The following DCAF6 variants were observed in gnomAD, a reference collection of about 807,000 sequenced individuals.
DCAF6 encodes DDB1- and CUL4-associated factor 6.
Under a neutral mutation model 125.1 loss-of-function variants are expected in DCAF6, and 54 were observed. The ratio of observed to expected loss-of-function variants is 0.43; its 90% confidence interval spans 0.35 to 0.54. The LOEUF (loss-of-function observed/expected upper bound fraction) is 0.54. Among genes scored for constraint, DCAF6 ranks in the 20% least tolerant of loss-of-function variants. The pLI, the probability that DCAF6 is intolerant of heterozygous loss-of-function variation, is 0.01. For missense variants in DCAF6, 934 were observed against 1,161.7 expected (o/e 0.80, Z 2.85); for synonymous variants, 371 against 390.4 (o/e 0.95, Z 0.58).
intron 3 of DCAF6, among the ~76,000 whole-genome samples, chr1:167,970,026 C>T (rs939785893): frequency 3.9e-5 from 6 of 152,322 alleles, no homozygotes; most frequent in Non-Finnish European, 2.9e-5. Context: ...ATCCACCTGT[C>T]TCCACCTCCC....
chr1:168,006,475 T>C (rs992890204), intron 10 of DCAF6, among the ~76,000 whole-genome samples: 5 of 152,204 alleles, frequency 3.3e-5, no homozygotes, highest in African/African-American at 1.2e-4. Flanking sequence ...AAAAATGATT[T>C]GGTGTTAGAT....
At chr1:167,987,120 G>A (rs1680122415) in intron 4 of DCAF6, among the ~76,000 whole-genome samples, 1 of 151,982 alleles carries the variant, frequency 6.6e-6, no homozygotes, top group South Asian at 2.1e-4. Context: ...ATTTGCTTAC[G>A]TATTTATTGT....
intron 12 of DCAF6, chr1:168,023,262 C>A: frequency 1.8e-6 from 1 of 566,028 alleles, no homozygotes; most frequent in Non-Finnish European, 3.1e-6. Flanking sequence ...TCACTTTGGC[C>A]CTTGATGCCA....
the DCAF6 span, chr1:167,893,815 G>A: frequency 2.1e-6 from 3 of 1,418,132 alleles, no homozygotes; most frequent in South Asian, 3.5e-5. Flanking sequence ...CCAGATCCCT[G>A]ACATCCCCAA....
At position 168,026,221 on chromosome 1, in the gene DCAF6, T is replaced by C. The variant is rs184198892; in HGVS notation, c.1609+3174T>C. Among the ~76,000 whole-genome samples, 522 of 152,288 alleles carry C rather than the reference T, an allele frequency of 3.4e-3. 9 individuals are homozygous for C. Among genetic ancestry groups the C allele is most frequent in the Admixed American group, 1.4e-3 (21 of 15,296 alleles). On this transcript the variant is annotated intron_variant, in intron 12 of 21. Coordinates refer to ENST00000367840, the MANE Select transcript of DCAF6 (RefSeq NM_001198956.2). Reference sequence around the variant, plus strand: ...AGGGGATTGTTTAATATCTACCTTTTTGCATATTCTCTAAATATTTTCATT... The same window carrying C: ...AGGGGATTGTTTAATATCTACCTTTCTGCATATTCTCTAAATATTTTCATT...
intron 1 of DCAF6, among the ~76,000 whole-genome samples, chr1:167,945,562 G>T (rs1305733484): frequency 6.6e-6 from 1 of 152,086 alleles, no homozygotes; most frequent in Non-Finnish European, 1.5e-5. Context: ...CACAATCTCG[G>T]CTTACTACAA....
chr1:167,878,647 A>T, the DCAF6 span: 1 of 1,612,822 alleles, frequency 6.2e-7, no homozygotes, highest in South Asian at 1.1e-5. Context: ...TATAGCAAGA[A>T]AGAGAAAGTC....
chr1:167,987,596 A>G lies in DCAF6; in HGVS notation c.540A>G (p.Glu180=). 1 of 1,554,260 alleles carries G rather than the reference A, an allele frequency of 6.4e-7. No individual in the cohort carries two copies. The highest frequency in any genetic ancestry group is 2.2e-5 in the East Asian group (1 of 44,474). The part of the protein sequence containing the change: ...DTRIKTSCTK[E]DCKDDILINC... ...GCATCAAAACTAGCTGCACAAAAGA[A>G]GATTGTAAAGATGTAAGAATTAAAT... Residue 180 remains glutamate, a synonymous_variant, in exon 5 of 22, where the codon GAA becomes GAG. Transcript: ENST00000367840.
chr1:167,883,660 T>A, the DCAF6 span: 3 of 1,611,016 alleles, frequency 1.9e-6, no homozygotes, highest in Non-Finnish European at 2.5e-6. Context: ...TCTGTAGGTG[T>A]CCTTGGCAGT....
At chr1:167,924,301 T>TA in the DCAF6 span, 1 of 418,944 alleles carries the variant, frequency 2.4e-6, no homozygotes, top group Non-Finnish European at 4.3e-6. Context: ...GCCTCTTATC[T>TA]AAAGAGTTCA....
the DCAF6 span, among the ~76,000 whole-genome samples, chr1:167,872,239 G>A: frequency 6.6e-6 from 1 of 152,098 alleles, no homozygotes; most frequent in Non-Finnish European, 1.5e-5. Context: ...TCAGGAGGCT[G>A]AGGCAGGAGA....
intron 2 of DCAF6, among the ~76,000 whole-genome samples, chr1:167,957,731 A>G (rs992895198): frequency 6.6e-6 from 1 of 152,134 alleles, no homozygotes; most frequent in African/African-American, 2.4e-5. Context: ...GAGCTGTACC[A>G]TTTTACATTT....
At chr1:168,036,097 T>G (rs1229466850) in intron 12 of DCAF6, among the ~76,000 whole-genome samples, 1 of 152,102 alleles carries the variant, frequency 6.6e-6, no homozygotes, top group African/African-American at 2.4e-5. Flanking sequence ...AAAAAAACTT[T>G]GTAGTAGATA....
At chr1:167,933,494 ACATACAGTGT>A (rs1670972478), upstream of DCAF6, among the ~76,000 whole-genome samples, 1 of 152,204 alleles carries the variant, frequency 6.6e-6, no homozygotes, top group East Asian at 1.9e-4. Context: ...ACCTGTCGAG[ACATACAGTGT>A]CAGTGATAAA....
At chr1:168,015,236 TA>T (rs1330017883) in intron 10 of DCAF6, among the ~76,000 whole-genome samples, 2 of 152,240 alleles carry the variant, frequency 1.3e-5, no homozygotes, top group Admixed American at 1.3e-4. Flanking sequence ...TTTTTGAACT[TA>T]AAAAATTTTT....
chr1:167,936,314 A>G (rs2102574311), upstream of DCAF6: 2 of 191,864 alleles, frequency 1.0e-5, no homozygotes, highest in Admixed American at 5.6e-5. Context: ...TTTCACTTTG[A>G]TTAAGCAGGC....
At chr1:167,887,873 C>T in the DCAF6 span, among the ~76,000 whole-genome samples, 3 of 151,538 alleles carry the variant, frequency 2.0e-5, no homozygotes, top group Non-Finnish European at 4.4e-5. Context: ...TTGCCCACTC[C>T]AATGTCCTTG....
the DCAF6 span, chr1:167,904,650 C>A: frequency 1.7e-6 from 1 of 582,228 alleles, no homozygotes; most frequent in Non-Finnish European, 3.0e-6. Context: ...TAAACATCAT[C>A]TAGGGAGATC....
the DCAF6 span, among the ~76,000 whole-genome samples, chr1:167,903,306 G>A: frequency 7.0e-6 from 1 of 142,892 alleles, no homozygotes; most frequent in South Asian, 2.3e-4. Flanking sequence ...GCTCTCACCT[G>A]TAATCCCAGC....
Sources: allele counts gnomAD v4.1 joint callset (sites outside exome capture counted in the v4.1 genomes callset), GRCh38; gene constraint gnomAD v4.1.1; transcripts MANE v1.5; gene names NCBI Gene and HGNC (gene_info 2026-07-23, HGNC 2026-07-21).